Variants in TUB observed in about 807,000 individuals in gnomAD.
The protein encoded by TUB is tubby protein homolog.
A neutral mutation model predicts 59.7 loss-of-function variants in TUB; 33 were observed. That is an observed-to-expected ratio of 0.55 (90% CI 0.42 to 0.74). The LOEUF is 0.74. Ranked by LOEUF, TUB falls within the 30% of genes least tolerant of loss-of-function variation. The pLI is 0.00. For synonymous variants in TUB, 293 were observed against 256.4 expected (o/e 1.14, Z -1.36); for missense variants, 659 against 672.0 (o/e 0.98, Z 0.21).
At chr11:8,092,143 T>C (rs988123929) in intron 3 of TUB, among the ~76,000 whole-genome samples, 1 of 152,226 alleles carries the variant, frequency 6.6e-6, no homozygotes, top group African/African-American at 2.4e-5. Context: ...AGTGCAGGAC[T>C]GAAGTCAAAA....
chr11:8,056,661 G>A (rs375407589), intron 2 of TUB, among the ~76,000 whole-genome samples: 56 of 152,228 alleles, frequency 3.7e-4, no homozygotes, highest in African/African-American at 1.3e-3. Flanking sequence ...CAGGTAGGCT[G>A]TGTGTGAGGT....
chr11:8,067,195 G>T (rs965698618), intron 2 of TUB, among the ~76,000 whole-genome samples: 1 of 152,172 alleles, frequency 6.6e-6, no homozygotes, highest in Non-Finnish European at 1.5e-5. Context: ...CCTCCAGCAA[G>T]ATTTAAAAAT....
Position 8,101,750 on chromosome 11 carries a change from C to T in TUB, c.*131C>T. ...GAAGCTTTGGCCCTCAGTGGGCTCC[C>T]TGGCCCAGCCAGCCAGGAACTGGCT... On this transcript the variant is annotated 3_prime_UTR_variant, in exon 12 of 12. Coordinates refer to ENST00000299506, the MANE Select transcript of TUB (RefSeq NM_177972.3). The T allele has an allele frequency of 7.0e-7, 1 of 1,433,792 alleles. No individual in the cohort carries two copies. Among genetic ancestry groups the T allele is most frequent in the Non-Finnish European group, 9.2e-7 (1 of 1,089,828 alleles). The allele number at this position is 1,433,792 out of a possible 1,614,324, so 88.8% of individuals were successfully genotyped here.
chr11:8,094,292 A>C, intron 4 of TUB, 103 bp downstream of exon 4: 1 of 1,400,312 alleles, frequency 7.1e-7, no homozygotes, highest in Non-Finnish European at 9.6e-7. Context: ...TAGGATGAAC[A>C]GCCTCAGGGA....
chr11:8,096,805 G>C lies in TUB; in HGVS notation c.686G>C (p.Arg229Thr), dbSNP rs766211857. Reference protein sequence around the residue: ...PSSATSRKSVREAASAPSPTA... With the variant: ...PSSATSRKSVTEAASAPSPTA... Reference sequence around the variant, plus strand: ...TCTGCTACTAGCAGGAAGTCCGTCAGGGTGAGTGAGTGAGTCTGCATCCAC... The same window carrying C: ...TCTGCTACTAGCAGGAAGTCCGTCACGGTGAGTGAGTGAGTCTGCATCCAC... Residue 229 changes from arginine (R) to threonine (T), a missense_variant and splice_region_variant, in exon 6 of 12, where the codon AGG becomes ACG. Transcript: ENST00000299506. 1.9e-6 allele frequency: 3 copies of C among 1,614,166 alleles called. No individual in the cohort carries two copies. The highest frequency in any genetic ancestry group is 1.1e-5 in the South Asian group (1 of 91,086).
intron 1 of TUB, among the ~76,000 whole-genome samples, chr11:8,024,192 A>G (rs1048867537): frequency 1.3e-5 from 2 of 152,198 alleles, no homozygotes; most frequent in South Asian, 2.1e-4. Context: ...CACTCACTCC[A>G]GCACTTTTTA....
Position 8,100,620 on chromosome 11 carries a change from C to CTCCCCTCTTTCCCCA in TUB, c.1215+22_1215+36dup, listed in dbSNP as rs984770337. The CTCCCCTCTTTCCCCA allele has an allele frequency of 6.2e-7, 1 of 1,607,720 alleles. No individual in the cohort carries two copies. The highest frequency in any genetic ancestry group is 8.5e-7 in the Non-Finnish European group (1 of 1,174,646). On this transcript the variant is annotated intron_variant, in intron 10 of 11. Coordinates refer to ENST00000299506, the MANE Select transcript of TUB (RefSeq NM_177972.3). ...CCGCAACGTGAGTGTCTACCCCTTC[C>CTCCCCTCTTTCCCCA]TCCCCTCTTTCCCCATCATCCTAGT...
rs1156482668 is a variant in TUB at position 8,101,642 on chromosome 11, GTTGCC to G, written c.*24_*28del. 4 of 1,613,060 alleles carry G rather than the reference GTTGCC, an allele frequency of 2.5e-6. No individual in the cohort carries two copies. The highest frequency in any genetic ancestry group is 3.4e-6 in the Non-Finnish European group (4 of 1,179,654). The stretch of plus-strand genomic sequence containing the variant: ...TAGAGGCCTCTTCGTGCCCTTTGGG[GTTGCC>G]CAGCCTGGAGCGGAGCTTGCCTGCC... On this transcript the variant is annotated 3_prime_UTR_variant, in exon 12 of 12. Coordinates refer to ENST00000299506, the MANE Select transcript of TUB (RefSeq NM_177972.3).
At chr11:8,077,274 C>T (rs921776482), upstream of TUB, 1 of 152,222 alleles carries the variant, frequency 6.6e-6, no homozygotes, top group Non-Finnish European at 1.5e-5. Context: ...AGAACAGAGT[C>T]TATAGGATAT....
chr11:8,043,490 C>A (rs987651727), intron 2 of TUB, among the ~76,000 whole-genome samples: 1 of 152,106 alleles, frequency 6.6e-6, no homozygotes, highest in African/African-American at 2.4e-5. Flanking sequence ...GAGATTGGAC[C>A]GAATCTGTAG....
chr11:8,019,432 G>A, intron 1 of TUB: 2 of 1,219,912 alleles, frequency 1.6e-6, no homozygotes, highest in African/African-American at 1.6e-5. Context: ...GCGGGCCTCC[G>A]GGGGCTAGGA....
intron 2 of TUB, among the ~76,000 whole-genome samples, chr11:8,046,782 C>T (rs887711559): frequency 1.3e-5 from 2 of 152,170 alleles, no homozygotes; most frequent in African/African-American, 4.8e-5. Flanking sequence ...TATCATCCCC[C>T]ACTTAATGTA....
intron 1 of TUB, among the ~76,000 whole-genome samples, chr11:8,031,983 C>A (rs1015046935): frequency 5.3e-5 from 8 of 152,178 alleles, no homozygotes; most frequent in Admixed American, 2.6e-4. Context: ...CTGCCTAGCT[C>A]TGGGAGTTTC....
At chr11:8,036,550 C>A (rs1009594166), upstream of TUB, among the ~76,000 whole-genome samples, 1 of 152,186 alleles carries the variant, frequency 6.6e-6, no homozygotes. Context: ...AGAACTAGGA[C>A]TGAAGGGAGG....
At chr11:8,063,388 C>G (rs547502540) in intron 2 of TUB, among the ~76,000 whole-genome samples, 2 of 152,326 alleles carry the variant, frequency 1.3e-5, no homozygotes, top group East Asian at 3.9e-4. Context: ...AGTTTACTGA[C>G]TTAACTGAAT....
At position 8,100,923 on chromosome 11, in the gene TUB, C is replaced by A. The variant is rs1273078342; in HGVS notation, c.1313C>A (p.Ser438Tyr). Residue 438 changes from serine to tyrosine, a missense_variant, in exon 11 of 12, where the codon TCC (serine) becomes TAC (tyrosine). Transcript: ENST00000299506. ...CCTGTCTGGAATGATGACACACAGTCCTATGTACTCAACTTCCATGGGCGC... is the reference window on the plus strand; with the variant it reads ...CCTGTCTGGAATGATGACACACAGTACTATGTACTCAACTTCCATGGGCGC... Reference protein sequence around the residue: ...KTPVWNDDTQSYVLNFHGRVT... With the variant: ...KTPVWNDDTQYYVLNFHGRVT... The A allele has an allele frequency of 6.2e-7, 1 of 1,614,154 alleles. No individual in the cohort carries two copies. Among genetic ancestry groups the A allele is most frequent in the South Asian group, 1.1e-5 (1 of 91,070 alleles).
rs535239907 is a variant in TUB at position 8,102,038 on chromosome 11, C to A, written c.*419C>A. Reference sequence around the variant, plus strand: ...AAGGAGTCAGATGGCAATGGGTACTCCAGCAGGTAGGGGCACAGTGAATGT... The same window carrying A: ...AAGGAGTCAGATGGCAATGGGTACTACAGCAGGTAGGGGCACAGTGAATGT... On this transcript the variant is annotated 3_prime_UTR_variant, in exon 12 of 12. Transcript: ENST00000299506. The A allele has an allele frequency of 1.9e-4, 37 of 192,220 alleles. No homozygotes were observed. Among genetic ancestry groups the A allele is most frequent in the Non-Finnish European group, 3.5e-4 (33 of 93,100 alleles). The allele number at this position is 192,220 out of a possible 1,614,324, so 11.9% of individuals were successfully genotyped here.
intron 2 of TUB, among the ~76,000 whole-genome samples, chr11:8,072,117 C>T (rs147131659): frequency 3.3e-5 from 5 of 152,110 alleles, no homozygotes; most frequent in Non-Finnish European, 5.9e-5. Context: ...GGGCTGTGAT[C>T]GGACCAGGAG....
intron 1 of TUB, among the ~76,000 whole-genome samples, chr11:8,082,025 G>T (rs1244566515): frequency 6.6e-6 from 1 of 152,226 alleles, no homozygotes; most frequent in Admixed American, 6.5e-5. Flanking sequence ...GAGCACACCA[G>T]TGGTCATGTG....
Sources: allele counts gnomAD v4.1 joint callset (sites outside exome capture counted in the v4.1 genomes callset), GRCh38; gene constraint gnomAD v4.1.1; transcripts MANE v1.5; gene names NCBI Gene and HGNC (gene_info 2026-07-23, HGNC 2026-07-21).